The following MLLT3 variants were observed in gnomAD, a reference collection of about 807,000 sequenced individuals.
The protein encoded by MLLT3 is protein AF-9.
In MLLT3, 4 loss-of-function variants were observed where a neutral mutation model predicts 53.2. The observed-to-expected ratio is 0.08, with a 90% CI of 0.04 to 0.17. MLLT3 has a LOEUF of 0.17. MLLT3 is among the 10% of genes least tolerant of loss of function. The pLI is 1.00. For missense variants in MLLT3, 569 were observed against 684.0 expected, an observed-to-expected ratio of 0.83 and a Z score of 1.87; for synonymous variants, 283 against 230.6, an observed-to-expected ratio of 1.23 and a Z score of -2.06.
At chr9:20,414,835 G>T (rs190274658) in intron 4 of MLLT3, among the ~76,000 whole-genome samples, 104 of 152,270 alleles carry the variant, frequency 6.8e-4, no homozygotes, top group Non-Finnish European at 7.4e-5. Flanking sequence ...TTGGGAGCAT[G>T]GGGCGAAGAA....
intron 4 of MLLT3, among the ~76,000 whole-genome samples, chr9:20,436,307 G>T (rs1252371456): frequency 1.3e-5 from 2 of 152,164 alleles, no homozygotes; most frequent in Non-Finnish European, 2.9e-5. Context: ...AATCCCCACA[G>T]ATAGGTTGAT....
At chr9:20,590,569 G>C (rs1390924739) in intron 2 of MLLT3, among the ~76,000 whole-genome samples, 6 of 152,114 alleles carry the variant, frequency 3.9e-5, no homozygotes, top group African/African-American at 1.4e-4. Context: ...TCACCTGCCT[G>C]CCACCATGTA....
chr9:20,430,308 A>T (rs1293547459), intron 4 of MLLT3, among the ~76,000 whole-genome samples: 1 of 152,146 alleles, frequency 6.6e-6, no homozygotes, highest in Non-Finnish European at 1.5e-5. Context: ...ACTTACACTG[A>T]GTCTAAAATG....
chr9:20,365,713 G>T lies in MLLT3; in HGVS notation c.1157C>A (p.Ser386Tyr). Residue 386 changes from serine to tyrosine, a missense_variant, in exon 6 of 11, where the codon TCC becomes TAC. Around this residue, in one of 5 missense-constraint regions of MLLT3, gnomAD observed 437 missense variants for 376.5 expected, o/e 1.16. Transcript: ENST00000380338. ...SEQPSPASSS[S>Y]SSSSSFTPSQ... ...TGGTGTGAAGCTGGAGCTGGAGCTG[G>T]AGCTGGAGCTGGCAGGACTGGGTTG... 2 of 1,614,194 alleles carry T rather than the reference G, an allele frequency of 1.2e-6. No homozygotes were observed. The highest frequency in any genetic ancestry group is 1.7e-6 in the Non-Finnish European group (2 of 1,180,028).
At chr9:20,578,784 T>C (rs1819718386) in intron 2 of MLLT3, among the ~76,000 whole-genome samples, 1 of 152,158 alleles carries the variant, frequency 6.6e-6, no homozygotes, top group Non-Finnish European at 1.5e-5. Context: ...TCCAAGTAGA[T>C]ATTTTATGAA....
At chr9:20,597,561 A>G (rs1820306505) in intron 2 of MLLT3, among the ~76,000 whole-genome samples, 1 of 152,202 alleles carries the variant, frequency 6.6e-6, no homozygotes, top group Admixed American at 6.5e-5. Flanking sequence ...AATGAGGTTC[A>G]TCCCTCCTTC....
chr9:20,470,708 T>TC (rs1442514661), intron 2 of MLLT3, among the ~76,000 whole-genome samples: 1 of 151,988 alleles, frequency 6.6e-6, no homozygotes, highest in African/African-American at 2.4e-5. Flanking sequence ...ATTGTTTAGC[T>TC]TCTACCCTAA....
chr9:20,581,666 C>T (rs1178406518), intron 2 of MLLT3, among the ~76,000 whole-genome samples: 1 of 152,148 alleles, frequency 6.6e-6, no homozygotes. Flanking sequence ...ATTCCATCCA[C>T]AGTTGATGAA....
chr9:20,590,858 C>T (rs1452939730), intron 2 of MLLT3, among the ~76,000 whole-genome samples: 1 of 152,094 alleles, frequency 6.6e-6, no homozygotes, highest in African/African-American at 2.4e-5. Flanking sequence ...ACCTCAGCCT[C>T]CTGAGTAGTT....
chr9:20,436,832 C>T (rs1048376894), intron 4 of MLLT3, among the ~76,000 whole-genome samples: 1 of 152,154 alleles, frequency 6.6e-6, no homozygotes, highest in African/African-American at 2.4e-5. Flanking sequence ...CCCTGATCCA[C>T]ATGCCCAGAA....
chr9:20,390,095 G>A lies in MLLT3; in HGVS notation c.1125+23626C>T, dbSNP rs968223061. On this transcript the variant is annotated intron_variant, in intron 5 of 10. Transcript: ENST00000380338. ...AAGGGAAGTTAATGATGAGTATGGC[G>A]GCAATCTTTCCAATGAACTGAAGAT... Among the ~76,000 whole-genome samples the A allele has an allele frequency of 1.1e-4, 16 of 152,090 alleles. No individual in the cohort carries two copies. The East Asian group carries it at 1.5e-3, about 15-fold the overall frequency.
intron 2 of MLLT3, among the ~76,000 whole-genome samples, chr9:20,575,406 T>A (rs1177795800): frequency 6.6e-6 from 1 of 152,174 alleles, no homozygotes; most frequent in Admixed American, 6.6e-5. Flanking sequence ...TCATTAGCAA[T>A]TTTTTTAGCA....
chr9:20,510,413 G>T (rs1362577935), intron 2 of MLLT3, among the ~76,000 whole-genome samples: 1 of 151,954 alleles, frequency 6.6e-6, no homozygotes, highest in African/African-American at 2.4e-5. Flanking sequence ...GAGTTCAAGA[G>T]CAGCCTGGCC....
intron 2 of MLLT3, among the ~76,000 whole-genome samples, chr9:20,587,439 C>T (rs1297625338): frequency 6.6e-6 from 1 of 151,962 alleles, no homozygotes; most frequent in African/African-American, 2.4e-5. Flanking sequence ...CATAAGAGAG[C>T]CAAAACTCAA....
intron 2 of MLLT3, among the ~76,000 whole-genome samples, chr9:20,501,737 G>A (rs868790543): frequency 1.1e-4 from 13 of 116,544 alleles, no homozygotes; most frequent in South Asian, 3.1e-4. Context: ...CGGCCTGGGC[G>A]ACAGAGCGAG....
intron 2 of MLLT3, among the ~76,000 whole-genome samples, chr9:20,543,545 G>A (rs1818698859): frequency 6.6e-6 from 1 of 152,154 alleles, no homozygotes; most frequent in Admixed American, 6.5e-5. Flanking sequence ...GGGAGGCCAA[G>A]AAGGGAGGAT....
At position 20,414,026 on chromosome 9, in the gene MLLT3, T is replaced by C. The variant is rs1290265959; in HGVS notation, c.820A>G (p.Ser274Gly). ...KPDSNLLTIT[S>G]GQDKKAPSKR... is the part of the protein sequence containing the mutation. The stretch of plus-strand genomic sequence containing the variant: ...CTAGGAGCCTTCTTATCTTGTCCAC[T>C]GGTGATGGTGAGTAAGTTACTATCT... The change falls in exon 5 of 11, where the codon AGT becomes GGT. Residue 274 changes from serine (S) to glycine (G), a missense_variant. Ser to Gly is a moderately conservative substitution (Grantham distance 56, BLOSUM62 0). This residue lies in a region of MLLT3 where 437 missense variants were observed against 376.5 expected (regional missense o/e 1.16). Transcript: ENST00000380338. 1 of 1,614,192 alleles carries C rather than the reference T, an allele frequency of 6.2e-7. No homozygotes were observed. The highest frequency in any genetic ancestry group is 1.1e-5 in the South Asian group (1 of 91,084).
intron 5 of MLLT3, among the ~76,000 whole-genome samples, chr9:20,367,435 T>G (rs1012176985): frequency 6.6e-6 from 1 of 152,142 alleles, no homozygotes. Flanking sequence ...CATAATGCAT[T>G]GTATACAAGA....
At chr9:20,552,557 G>C (rs1239513949) in intron 2 of MLLT3, among the ~76,000 whole-genome samples, 4 of 152,100 alleles carry the variant, frequency 2.6e-5, no homozygotes, top group Non-Finnish European at 5.9e-5. Context: ...TAGACGGTTT[G>C]AGAGCAGAAG....
Sources: gnomAD v4.1 joint callset for allele counts (sites outside exome capture counted in the v4.1 genomes callset) on GRCh38, gnomAD v4.1.1 for gene constraint, gnomAD v4.1.1 regional missense constraint, MANE v1.5 for transcripts, NCBI Gene and HGNC (gene_info 2026-07-23, HGNC 2026-07-21) for gene names.